Variants in POLN observed in about 807,000 individuals in gnomAD.
POLN encodes DNA polymerase N.
In POLN, 108 loss-of-function variants were observed where a neutral mutation model predicts 113.5. The observed-to-expected ratio is 0.95, with a 90% CI of 0.81 to 1.12. POLN has a LOEUF of 1.12. Ranked by LOEUF, POLN falls within the 50% of genes most tolerant of loss-of-function variation. The probability of loss-of-function intolerance (pLI) is 0.00; values close to 1 mark genes in which losing one functional copy is unlikely to be tolerated. For synonymous variants in POLN, 386 were observed against 391.5 expected (o/e 0.99, Z 0.17); for missense variants, 1,097 against 1,077.1 (o/e 1.02, Z -0.26).
chr4:2,177,376 A>T, intron 8 of POLN: 1 of 408,320 alleles, frequency 2.4e-6, no homozygotes. Context: ...TGCTCCCTCT[A>T]CCTGGAACTC....
At chr4:2,226,016 C>T (rs1734380318) in intron 3 of POLN, among the ~76,000 whole-genome samples, 1 of 152,072 alleles carries the variant, frequency 6.6e-6, no homozygotes, top group Non-Finnish European at 1.5e-5. Flanking sequence ...GTTTATCTCT[C>T]TCCCATGTTC....
intron 7 of POLN, among the ~76,000 whole-genome samples, chr4:2,180,470 T>C (rs956042751): frequency 6.6e-6 from 1 of 152,232 alleles, no homozygotes; most frequent in Admixed American, 6.5e-5. Flanking sequence ...TGTTCAGGCA[T>C]CTTTAAATTA....
At chr4:2,137,593 C>G (rs1198746302) in intron 16 of POLN, among the ~76,000 whole-genome samples, 1 of 152,114 alleles carries the variant, frequency 6.6e-6, no homozygotes, top group Admixed American at 6.5e-5. Flanking sequence ...GATGGGCAGC[C>G]CCCTCTGCCT....
rs576598763 is a variant in POLN at position 2,206,042 on chromosome 4, TA to T, written c.714+1944del. On this transcript the variant is annotated intron_variant, in intron 5 of 25. Coordinates refer to ENST00000511885, the MANE Select transcript of POLN (RefSeq NM_181808.4). ...TTACCAAAACAGCATGGTACTGGTA[TA>T]AAAATAGGCACATAGACCAATTGAA... Among the ~76,000 whole-genome samples the T allele has an allele frequency of 2.8e-4, 42 of 152,242 alleles. No homozygotes were observed. In the South Asian group the frequency reaches 8.5e-3, roughly 31 times the overall value.
rs114723911 is a variant in POLN at position 2,094,074 on chromosome 4, C to T, written c.2065+1777G>A. 6.1e-3 allele frequency among the ~76,000 whole-genome samples: 930 copies of T among 152,250 alleles called. 8 individuals are homozygous for T. The highest frequency in any genetic ancestry group is 0.01 in the Middle Eastern group (3 of 292). ...GCAAGAAACAGAAGCCAGCCAGGTG[C>T]GGTGGCTCATGCCTGTAATCCCAGC... On this transcript the variant is annotated intron_variant, in intron 20 of 25. Transcript: ENST00000511885.
intron 4 of POLN, among the ~76,000 whole-genome samples, chr4:2,210,137 G>C (rs910228076): frequency 1.3e-5 from 2 of 151,722 alleles, no homozygotes; most frequent in African/African-American, 4.8e-5. Context: ...TTTTATTGCA[G>C]AGAAATATAT....
intron 7 of POLN, among the ~76,000 whole-genome samples, chr4:2,180,058 A>C (rs1733096799): frequency 6.6e-6 from 1 of 152,154 alleles, no homozygotes; most frequent in Admixed American, 6.5e-5. Context: ...AAGACAACTA[A>C]TGTGTGGCGC....
intron 16 of POLN, among the ~76,000 whole-genome samples, chr4:2,144,805 T>A (rs1038121215): frequency 2.6e-5 from 4 of 152,112 alleles, no homozygotes; most frequent in Non-Finnish European, 5.9e-5. Flanking sequence ...TTTCTTGGAA[T>A]AAAATATTGA....
At chr4:2,216,400 G>A (rs773605371) in intron 3 of POLN, among the ~76,000 whole-genome samples, 2 of 152,208 alleles carry the variant, frequency 1.3e-5, no homozygotes, top group East Asian at 3.9e-4. Context: ...CAAGGACACT[G>A]CACCACGTAC....
intron 8 of POLN, among the ~76,000 whole-genome samples, chr4:2,178,148 C>T (rs28582471): frequency 0.25 from 37,363 of 152,008 alleles, 7,071 homozygotes; most frequent in African/African-American, 0.51. Context: ...AGCTCAGTGC[C>T]TGGTGCCTGA....
In POLN at chr4:2,154,254, A is replaced by G. The variant is rs892724982; in HGVS notation, c.1731+2534T>C. 3.0e-4 allele frequency among the ~76,000 whole-genome samples: 45 copies of G among 151,392 alleles called. 1 individual carries two copies. Among genetic ancestry groups the G allele is most frequent in the South Asian group, 2.7e-3 (13 of 4,812 alleles). ...TTTTAAGTATGGCAAACCAGAATAT[A>G]TATCTTAAAAGTTAAAAGGCAAAAG... On this transcript the variant is annotated intron_variant, in intron 16 of 25. Transcript: ENST00000511885.
chr4:2,241,431 A>T (rs1230494114), intron 2 of POLN, 89 bp downstream of exon 2: 4 of 902,680 alleles, frequency 4.4e-6, no homozygotes, highest in Non-Finnish European at 5.3e-6. Context: ...AGCCACCAGG[A>T]GGCTAGGCAG....
intron 19 of POLN, among the ~76,000 whole-genome samples, chr4:2,106,444 A>C (rs1199073509): frequency 6.6e-6 from 1 of 152,222 alleles, no homozygotes; most frequent in Non-Finnish European, 1.5e-5. Flanking sequence ...TATAATTTTG[A>C]TAGACTGTCT....
rs148286763 is a variant in POLN, at chr4:2,131,864, T to C, written c.1732-574A>G. Reference sequence around the variant, plus strand: ...CAATGTGCAATAGTTCACATGCTTCTAGCCCGTTTCAACTATTCAAATCAT... The same window carrying C: ...CAATGTGCAATAGTTCACATGCTTCCAGCCCGTTTCAACTATTCAAATCAT... On this transcript the variant is annotated intron_variant, in intron 16 of 25. Coordinates refer to ENST00000511885, the MANE Select transcript of POLN (RefSeq NM_181808.4). Among the ~76,000 whole-genome samples, 274 of 152,358 alleles carry C rather than the reference T, an allele frequency of 1.8e-3. 1 individual carries two copies. The highest frequency in any genetic ancestry group is 6.2e-3 in the African/African-American group (257 of 41,578).
At chr4:2,089,551 TG>T (rs1241097823) in intron 20 of POLN, 1 of 1,180,124 alleles carries the variant, frequency 8.5e-7, no homozygotes. Flanking sequence ...CTTGGCACTT[TG>T]TTCAACTAAA....
chr4:2,208,073 G>A lies in POLN; in HGVS notation c.628C>T (p.Gln210Ter). Residue 210 changes from glutamine to a stop codon, truncating the protein, a stop_gained, in exon 5 of 26, where the codon CAG becomes TAG. Transcript: ENST00000511885. LOFTEE classifies it high-confidence loss of function. ...GCCTGTTTGAGCATTTCAATCAGCTGGCTTTTTGCCCAATCATCCAAATGC... is the reference window on the plus strand; with the variant it reads ...GCCTGTTTGAGCATTTCAATCAGCTAGCTTTTTGCCCAATCATCCAAATGC... ...IRHLDDWAKS[Q>*]LIEMLKQAAA... 3 of 1,614,150 alleles carry A rather than the reference G, an allele frequency of 1.9e-6. No individual in the cohort carries two copies. Among genetic ancestry groups the A allele is most frequent in the Non-Finnish European group, 2.5e-6 (3 of 1,180,024 alleles).
intron 19 of POLN, among the ~76,000 whole-genome samples, chr4:2,110,953 A>G (rs1731178354): frequency 6.6e-6 from 1 of 152,244 alleles, no homozygotes; most frequent in Non-Finnish European, 1.5e-5. Context: ...AGAATTGTAG[A>G]CCAATATCCT....
At chr4:2,164,915 C>G (rs1732693149) in intron 13 of POLN, among the ~76,000 whole-genome samples, 2 of 147,066 alleles carry the variant, frequency 1.4e-5, no homozygotes, top group African/African-American at 5.0e-5. Context: ...CCACCAAGTG[C>G]TGGCAAGGAT....
chr4:2,091,418 C>T (rs1176969737), intron 20 of POLN, among the ~76,000 whole-genome samples: 2 of 152,050 alleles, frequency 1.3e-5, no homozygotes, highest in South Asian at 2.1e-4. Context: ...TGAGATGGAG[C>T]CTGAGGGTCT....
Sources: allele counts gnomAD v4.1 joint callset (sites outside exome capture counted in the v4.1 genomes callset), GRCh38; gene constraint gnomAD v4.1.1; transcripts MANE v1.5; gene names NCBI Gene and HGNC (gene_info 2026-07-23, HGNC 2026-07-21).